The following JARID2 variants were observed in gnomAD, a reference collection of about 807,000 sequenced individuals.
The protein encoded by JARID2 is protein Jumonji.
A neutral mutation model predicts 125.6 loss-of-function variants in JARID2; 21 were observed. The observed-to-expected ratio is 0.17, with a 90% CI of 0.12 to 0.24. The LOEUF (loss-of-function observed/expected upper bound fraction) is 0.24, where lower values mean the gene tolerates loss of function less well. Among genes scored for constraint, JARID2 ranks in the 10% least tolerant of loss-of-function variants. The pLI, the probability that JARID2 is intolerant of heterozygous loss-of-function variation, is 1.00. For missense variants in JARID2, 1,303 were observed against 1,639.6 expected (o/e 0.79, Z 3.55); for synonymous variants, 736 against 661.6 (o/e 1.11, Z -1.73).
chr6:15,478,555 GGT>G (rs562273833), intron 5 of JARID2, among the ~76,000 whole-genome samples: 62 of 151,850 alleles, frequency 4.1e-4, no homozygotes, highest in Non-Finnish European at 7.1e-4. Flanking sequence ...TTTCTCTCTC[GGT>G]GTGTAGTAAA....
intron 14 of JARID2, 107 bp downstream of exon 14, chr6:15,512,497 G>C (rs1394422040): frequency 3.9e-6 from 4 of 1,031,130 alleles, no homozygotes; most frequent in African/African-American, 1.6e-5. Context: ...TTTGTCAATA[G>C]TTCCTTTTGG....
At chr6:15,459,929 A>G (rs1768365217) in intron 4 of JARID2, among the ~76,000 whole-genome samples, 1 of 152,210 alleles carries the variant, frequency 6.6e-6, no homozygotes, top group Non-Finnish European at 1.5e-5. Context: ...AATACTTTAC[A>G]TTATGTAAAC....
At chr6:15,503,722 A>C (rs983672376) in intron 8 of JARID2, among the ~76,000 whole-genome samples, 1 of 152,230 alleles carries the variant, frequency 6.6e-6, no homozygotes, top group East Asian at 1.9e-4. Context: ...GGACTCAAGC[A>C]ACAAATGTGC....
At chr6:15,419,050 A>G (rs960555317) in intron 3 of JARID2, among the ~76,000 whole-genome samples, 5 of 151,964 alleles carry the variant, frequency 3.3e-5, no homozygotes, top group African/African-American at 1.2e-4. Context: ...AATTATATTA[A>G]ATAAGTGCCT....
At chr6:15,382,843 C>T (rs1764642859) in intron 2 of JARID2, among the ~76,000 whole-genome samples, 1 of 152,196 alleles carries the variant, frequency 6.6e-6, no homozygotes, top group Non-Finnish European at 1.5e-5. Flanking sequence ...CACCCACTGC[C>T]CCTCTCTTTC....
chr6:15,448,271 A>G (rs1767761833), intron 3 of JARID2, among the ~76,000 whole-genome samples: 2 of 152,138 alleles, frequency 1.3e-5, no homozygotes, highest in African/African-American at 4.8e-5. Flanking sequence ...CCTCACTGGG[A>G]AAGTCATTAG....
At chr6:15,361,413 C>T (rs895530338) in intron 1 of JARID2, among the ~76,000 whole-genome samples, 3 of 152,210 alleles carry the variant, frequency 2.0e-5, no homozygotes, top group Non-Finnish European at 2.9e-5. Flanking sequence ...ATCTCCCCCA[C>T]TTCCTCCTCT....
chr6:15,256,682 T>C (rs1195671370), intron 1 of JARID2, among the ~76,000 whole-genome samples: 1 of 152,172 alleles, frequency 6.6e-6, no homozygotes, highest in Non-Finnish European at 1.5e-5. Context: ...CCACCGTGTT[T>C]GTCTGAAGCC....
chr6:15,248,031 G>A (rs1759252170), intron 1 of JARID2: 1 of 985,274 alleles, frequency 1.0e-6, no homozygotes, highest in South Asian at 4.7e-5. Flanking sequence ...TCCCATTCCG[G>A]ACCTCGTTGA....
intron 2 of JARID2, among the ~76,000 whole-genome samples, chr6:15,385,722 G>T (rs1022757526): frequency 2.6e-5 from 4 of 152,026 alleles, no homozygotes; most frequent in African/African-American, 9.7e-5. Context: ...CCACGTCTCT[G>T]CCGCCCCCTT....
At chr6:15,416,960 C>G (rs745886119) in intron 3 of JARID2, among the ~76,000 whole-genome samples, 14 of 151,926 alleles carry the variant, frequency 9.2e-5, no homozygotes, top group Non-Finnish European at 1.5e-4. Context: ...GTCAGAAACT[C>G]TTTGGAAGGA....
intron 1 of JARID2, among the ~76,000 whole-genome samples, chr6:15,286,635 C>T (rs1026568224): frequency 5.9e-5 from 9 of 151,706 alleles, no homozygotes; most frequent in East Asian, 5.9e-4. Flanking sequence ...CCGAGACGGG[C>T]GGATCACGAG....
At chr6:15,295,114 T>C (rs984659959) in intron 1 of JARID2, among the ~76,000 whole-genome samples, 1 of 148,320 alleles carries the variant, frequency 6.7e-6, no homozygotes, top group African/African-American at 2.5e-5. Flanking sequence ...ATTTCTTTTT[T>C]TTTTCTTTCT....
intron 1 of JARID2, among the ~76,000 whole-genome samples, chr6:15,326,581 G>A (rs139579509): frequency 1.1e-3 from 169 of 152,156 alleles, no homozygotes; most frequent in African/African-American, 3.9e-3. Flanking sequence ...CGCTCACTGC[G>A]ACCTCCACCT....
intron 1 of JARID2, among the ~76,000 whole-genome samples, chr6:15,341,354 A>G (rs1763065949): frequency 6.6e-6 from 1 of 152,146 alleles, no homozygotes; most frequent in African/African-American, 2.4e-5. Context: ...TTATGATTTT[A>G]CTTGGAAACA....
intron 1 of JARID2, among the ~76,000 whole-genome samples, chr6:15,365,998 A>G (rs371318009): frequency 1.3e-5 from 2 of 152,242 alleles, no homozygotes; most frequent in African/African-American, 4.8e-5. Context: ...GTTATTTTAG[A>G]CAAAGTTGAA....
At chr6:15,395,676 A>G (rs1765194384) in intron 2 of JARID2, among the ~76,000 whole-genome samples, 2 of 151,824 alleles carry the variant, frequency 1.3e-5, no homozygotes, top group Admixed American at 1.3e-4. Context: ...CTGTGATTAC[A>G]GGCATGAGCC....
chr6:15,324,677 T>C (rs1164596015), intron 1 of JARID2, among the ~76,000 whole-genome samples: 1 of 150,742 alleles, frequency 6.6e-6, no homozygotes, highest in Admixed American at 6.6e-5. Flanking sequence ...GGTAGTTTTG[T>C]AGCCTTGCTT....
chr6:15,269,876 TA>T (rs1167326478), intron 1 of JARID2, among the ~76,000 whole-genome samples: 6 of 152,230 alleles, frequency 3.9e-5, no homozygotes, highest in African/African-American at 1.4e-4. Flanking sequence ...TGAAGATTGG[TA>T]AACATGGTCT....
Sources: allele counts gnomAD v4.1 joint callset (sites outside exome capture counted in the v4.1 genomes callset), GRCh38; gene constraint gnomAD v4.1.1; transcripts MANE v1.5; gene names NCBI Gene and HGNC (gene_info 2026-07-23, HGNC 2026-07-21).